The following RPS19 variants were observed in gnomAD, a reference collection of about 807,000 sequenced individuals.
RPS19 encodes the protein small ribosomal subunit protein eS19.
RPS19 carries 1 observed loss-of-function variant against 20.3 expected under a neutral mutation model. The observed-to-expected ratio is 0.05, with a 90% CI of 0.02 to 0.23. The LOEUF (loss-of-function observed/expected upper bound fraction) is 0.23. Among genes scored for constraint, RPS19 ranks in the 10% least tolerant of loss-of-function variants. The probability of loss-of-function intolerance (pLI) is 1.00; values close to 1 mark genes in which losing one functional copy is unlikely to be tolerated. For synonymous variants in RPS19, 87 were observed against 74.8 expected, an observed-to-expected ratio of 1.16 and a Z score of -0.84; for missense variants, 111 against 192.7, an observed-to-expected ratio of 0.58 and a Z score of 2.51.
At chr19:41,864,020 T>G (rs1363586085) in intron 3 of RPS19, 1 of 152,108 alleles carries the variant, frequency 6.6e-6, no homozygotes, top group African/African-American at 2.4e-5. Context: ...TTTTTCTATT[T>G]TTAGTAGAGA....
chr19:41,869,817 A>G, intron 5 of RPS19, 64 bp downstream of exon 5: 3 of 1,550,988 alleles, frequency 1.9e-6, no homozygotes, highest in Non-Finnish European at 2.7e-6. Context: ...TCCAAAGCCC[A>G]TACTTTGTCA....
rs2074149786 is a variant in RPS19, at chr19:41,871,536, C to G, written c.*159C>G. On this transcript the variant is annotated 3_prime_UTR_variant, in exon 6 of 6. Transcript: ENST00000598742. Reference sequence around the variant, plus strand: ...GGTTCAAATGATTCTCCTGCCTCAGCCTCCCAAAGTGCTGGGATTACAAGT... The same window carrying G: ...GGTTCAAATGATTCTCCTGCCTCAGGCTCCCAAAGTGCTGGGATTACAAGT... 1.5e-6 allele frequency: 1 copy of G among 685,728 alleles called. No individual in the cohort carries two copies. The highest frequency in any genetic ancestry group is 1.8e-5 in the African/African-American group (1 of 56,152). 42.5% of individuals were successfully genotyped at this position (685,728 alleles called of 1,614,324 possible).
chr19:41,867,000 G>A (rs2074097159), intron 3 of RPS19, among the ~76,000 whole-genome samples: 2 of 148,838 alleles, frequency 1.3e-5, no homozygotes, highest in African/African-American at 5.0e-5. Flanking sequence ...CTGGGCGACA[G>A]AGCGAGAGAC....
intron 5 of RPS19, among the ~76,000 whole-genome samples, chr19:41,870,466 C>T (rs2074135164): frequency 6.6e-6 from 1 of 152,126 alleles, no homozygotes; most frequent in Non-Finnish European, 1.5e-5. Context: ...CCTGGCTGGC[C>T]AACACCCTGG....
At chr19:41,869,549 G>C (rs1600622283) in intron 4 of RPS19, 150 bp from the exon 5 acceptor site, 2 of 777,382 alleles carry the variant, frequency 2.6e-6, no homozygotes, top group Admixed American at 2.2e-5. Context: ...ACTGCCCCCA[G>C]CTCGTTAGAA....
At chr19:41,870,677 G>A (rs1165655550) in intron 5 of RPS19, among the ~76,000 whole-genome samples, 2 of 151,970 alleles carry the variant, frequency 1.3e-5, no homozygotes, top group Non-Finnish European at 2.9e-5. Context: ...AGTCAGTCAA[G>A]TGTCACAAAA....
At chr19:41,870,844 C>T (rs542330314) in intron 5 of RPS19, among the ~76,000 whole-genome samples, 1 of 118,388 alleles carries the variant, frequency 8.4e-6, no homozygotes, top group Admixed American at 9.4e-5. Flanking sequence ...TCCGCCACTC[C>T]CTTCCTTTTT....
At chr19:41,864,895 A>G (rs1010753934) in intron 3 of RPS19, 4 of 152,202 alleles carry the variant, frequency 2.6e-5, no homozygotes, top group Non-Finnish European at 4.4e-5. Flanking sequence ...GGGGTGAGGA[A>G]AAAGGTCAGT....
At chr19:41,868,432 G>A (rs1356359549) in intron 3 of RPS19, among the ~76,000 whole-genome samples, 1 of 152,258 alleles carries the variant, frequency 6.6e-6, no homozygotes. Context: ...CCTGGCAGAT[G>A]TGTGCTCCAG....
chr19:41,860,713 T>C, intron 1 of RPS19, 62 bp from the exon 2 acceptor site: 1 of 1,204,724 alleles, frequency 8.3e-7, no homozygotes, highest in Non-Finnish European at 1.2e-6. Flanking sequence ...TGGGGTGGGG[T>C]CCGTGCTCTT....
rs1391494496 is a variant in RPS19, at chr19:41,871,675, G to A, written c.*298G>A. 1.5e-5 allele frequency: 6 copies of A among 408,466 alleles called. No individual in the cohort carries two copies. In the East Asian group the frequency reaches 3.1e-4, roughly 21 times the overall value. The allele number at this position is 408,466 out of a possible 1,614,324, so 25.3% of individuals were successfully genotyped here. A position where few individuals can be genotyped will look rare whatever the true frequency, so the allele number is the denominator to read the frequency against. On this transcript the variant is annotated 3_prime_UTR_variant, in exon 6 of 6. Coordinates refer to ENST00000598742, the MANE Select transcript of RPS19 (RefSeq NM_001022.4). ...GGGGGCCCAGGGTGATTGGGTGGCT[G>A]TTTACCCGGCAGCCAGTCGGGCCTT...
intron 3 of RPS19, chr19:41,861,678 C>CT (rs1487520368): frequency 4.4e-6 from 1 of 228,954 alleles, no homozygotes; most frequent in African/African-American, 2.3e-5. Context: ...TAGAACGTGT[C>CT]TGTTGCACAG....
intron 3 of RPS19, among the ~76,000 whole-genome samples, chr19:41,866,194 A>G (rs941814871): frequency 1.3e-5 from 2 of 152,148 alleles, no homozygotes; most frequent in Non-Finnish European, 2.9e-5. Flanking sequence ...CGGAGCTAGC[A>G]GTGAGCCCAG....
intron 3 of RPS19, among the ~76,000 whole-genome samples, chr19:41,866,744 C>T (rs1352979897): frequency 2.0e-5 from 3 of 152,136 alleles, no homozygotes; most frequent in African/African-American, 4.8e-5. Flanking sequence ...GGGCCGGGTG[C>T]GGTGGCTCAA....
chr19:41,861,287 C>G lies in RPS19; in HGVS notation c.172+75C>G, dbSNP rs879986028. 3 of 1,068,594 alleles carry G rather than the reference C, an allele frequency of 2.8e-6. No individual in the cohort carries two copies. The African/African-American group carries it at 4.7e-5, about 17-fold the overall frequency. 66.2% of individuals were successfully genotyped at this position (1,068,594 alleles called of 1,614,324 possible). ...GGCACAAACCATACTTCCCTGTCTC[C>G]TCTGAGCTCTTTCCCGCCCCAAGAG... On this transcript the variant is annotated intron_variant, in intron 3 of 5. Coordinates refer to ENST00000598742, the MANE Select transcript of RPS19 (RefSeq NM_001022.4).
chr19:41,860,872 CG>C, intron 2 of RPS19, 27 bp downstream of exon 2: 1 of 1,589,400 alleles, frequency 6.3e-7, no homozygotes, highest in South Asian at 1.1e-5. Flanking sequence ...AGGTTCAAAA[CG>C]GGTGGAGGCT....
chr19:41,868,015 AC>A (rs1345037794), intron 3 of RPS19, among the ~76,000 whole-genome samples: 13 of 152,176 alleles, frequency 8.5e-5, no homozygotes, highest in African/African-American at 2.6e-4. Context: ...GAAGCAGCCC[AC>A]CCCACACAGA....
rs368603787 is a variant in RPS19, at chr19:41,861,107, C to T, written c.72-5C>T. On this transcript the variant is annotated splice_region_variant and splice_polypyrimidine_tract_variant and intron_variant, in intron 2 of 5. Coordinates refer to ENST00000598742, the MANE Select transcript of RPS19 (RefSeq NM_001022.4). ...ATCGTGCTTTTCCCACTGTTTTGGT[C>T]TTAGGTCCGGGAAGCTGAAAGTCCC... The T allele has an allele frequency of 4.3e-6, 7 of 1,612,822 alleles. No individual in the cohort carries two copies. Among genetic ancestry groups the T allele is most frequent in the African/African-American group, 1.3e-5 (1 of 74,906 alleles).
At chr19:41,860,997 C>T in intron 2 of RPS19, 115 bp from the exon 3 acceptor site, 1 of 1,117,312 alleles carries the variant, frequency 9.0e-7, no homozygotes, top group Non-Finnish European at 1.4e-6. Flanking sequence ...GTTCCGGTTC[C>T]AGCCTCTCTT....
Sources: gnomAD v4.1 joint callset for allele counts (sites outside exome capture counted in the v4.1 genomes callset) on GRCh38, gnomAD v4.1.1 for gene constraint, MANE v1.5 for transcripts, NCBI Gene and HGNC (gene_info 2026-07-23, HGNC 2026-07-21) for gene names.